SORL1: variants seen among roughly 807,000 people sequenced by gnomAD.
SORL1 encodes sortilin-related receptor.
A neutral mutation model predicts 273.7 loss-of-function variants in SORL1; 127 were observed. The observed-to-expected ratio is 0.46, with a 90% CI of 0.40 to 0.54. The LOEUF is 0.54. Among genes scored for constraint, SORL1 ranks in the 20% least tolerant of loss-of-function variants. The probability of loss-of-function intolerance (pLI) is 0.00; values close to 1 mark genes in which losing one functional copy is unlikely to be tolerated. For missense variants in SORL1, 2,494 were observed against 2,846.1 expected, an observed-to-expected ratio of 0.88 and a Z score of 2.81; for synonymous variants, 1,031 against 1,067.4, an observed-to-expected ratio of 0.97 and a Z score of 0.66.
At chr11:121,552,914 G>C (rs1371353572) in intron 16 of SORL1, among the ~76,000 whole-genome samples, 1 of 152,192 alleles carries the variant, frequency 6.6e-6, no homozygotes, top group East Asian at 1.9e-4. Context: ...CTGGTGTGCT[G>C]CTTGTGTCCA....
rs181731581 is a variant in SORL1, at chr11:121,570,306, T to C, written c.3337+36T>C. 9,747 of 1,516,322 alleles carry C rather than the reference T, an allele frequency of 6.4e-3. 44 individuals are homozygous for C. The highest frequency in any genetic ancestry group is 7.6e-3 in the Non-Finnish European group (8,248 of 1,092,098). 93.9% of individuals were successfully genotyped at this position (1,516,322 alleles called of 1,614,324 possible). On this transcript the variant is annotated intron_variant, in intron 23 of 47. Coordinates refer to ENST00000260197, the MANE Select transcript of SORL1 (RefSeq NM_003105.6). ...TGGATTGGACGTTAAGCACTTACCA[T>C]TACTCAGAAGCCTGGTTGGCTCTTC...
intron 26 of SORL1, 39 bp downstream of exon 26, chr11:121,583,622 C>T (rs778398774): frequency 1.3e-6 from 2 of 1,573,846 alleles, no homozygotes; most frequent in African/African-American, 1.4e-5. Flanking sequence ...TGAGCCTCCC[C>T]AGTGTCTGCT....
In SORL1 at chr11:121,550,212, A is replaced by C; in HGVS notation, c.2180+124A>C. 1.0e-6 allele frequency: 1 copy of C among 1,003,914 alleles called. No individual in the cohort carries two copies. The highest frequency in any genetic ancestry group is 3.1e-5 in the Admixed American group (1 of 32,524). The allele number at this position is 1,003,914 out of a possible 1,614,324, so 62.2% of individuals were successfully genotyped here. A position where few individuals can be genotyped will look rare whatever the true frequency, so the allele number is the denominator to read the frequency against. On this transcript the variant is annotated intron_variant, in intron 15 of 47. Coordinates refer to ENST00000260197, the MANE Select transcript of SORL1 (RefSeq NM_003105.6). The surrounding 1 kb of genome is among the most constrained non-coding windows in gnomAD (Gnocchi z 5.3). ...TAGAATTCCAAGTTAACAGCCTGCA[A>C]GTAGTTTGGGCAACATTATAAATTA...
intron 25 of SORL1, among the ~76,000 whole-genome samples, chr11:121,579,271 C>T (rs144567882): frequency 1.3e-5 from 2 of 152,316 alleles, no homozygotes; most frequent in East Asian, 3.9e-4. Context: ...GGATGATCCA[C>T]CTTCTCTGTC....
At chr11:121,545,569 T>C (rs1862413407) in intron 14 of SORL1, 140 bp downstream of exon 14, 1 of 782,696 alleles carries the variant, frequency 1.3e-6, no homozygotes, top group South Asian at 1.7e-5. Context: ...GCATCTTTTA[T>C]GTGCCAGGAA....
chr11:121,479,872 C>T (rs1861345292), intron 3 of SORL1, among the ~76,000 whole-genome samples: 2 of 152,100 alleles, frequency 1.3e-5, no homozygotes, highest in South Asian at 4.2e-4. Context: ...TCCAGGGTGA[C>T]AGAGTAATTT....
intron 12 of SORL1, among the ~76,000 whole-genome samples, chr11:121,539,810 A>G (rs916441246): frequency 6.6e-6 from 1 of 152,228 alleles, no homozygotes; most frequent in African/African-American, 2.4e-5. Context: ...GAATGAATGA[A>G]CGAATGGATG....
At chr11:121,476,398 G>T (rs1861267220) in intron 2 of SORL1, among the ~76,000 whole-genome samples, 1 of 152,152 alleles carries the variant, frequency 6.6e-6, no homozygotes, top group Non-Finnish European at 1.5e-5. Flanking sequence ...TCAGATAAAG[G>T]CAGAGGCTCT....
intron 24 of SORL1, chr11:121,576,653 C>A: frequency 1.1e-6 from 1 of 882,330 alleles, no homozygotes; most frequent in Non-Finnish European, 1.6e-6. Flanking sequence ...AGGCTATTGC[C>A]AGGGCAGCCT....
intron 12 of SORL1, among the ~76,000 whole-genome samples, chr11:121,536,751 A>G (rs1017966197): frequency 2.0e-5 from 3 of 152,024 alleles, no homozygotes; most frequent in African/African-American, 7.2e-5. Context: ...ACGGAGTTGC[A>G]GTGCAGTTTC....
intron 8 of SORL1, among the ~76,000 whole-genome samples, chr11:121,519,393 A>G (rs1616080): frequency 1.6e-4 from 24 of 150,874 alleles, no homozygotes; most frequent in African/African-American, 5.8e-4. Context: ...AAAGCCTGGG[A>G]AACCCATATT....
Position 121,607,192 on chromosome 11 carries a change from T to C in SORL1, c.5068T>C (p.Tyr1690His). The C allele has an allele frequency of 6.3e-7, 1 of 1,599,454 alleles. No homozygotes were observed. The highest frequency in any genetic ancestry group is 8.6e-7 in the Non-Finnish European group (1 of 1,166,616). The change falls in exon 37 of 48, where the codon TAC (tyrosine) becomes CAC (histidine). Residue 1690 changes from tyrosine (Y) to histidine (H), a missense_variant. Tyr to His is a moderately conservative substitution (Grantham distance 83). This residue lies in a region of SORL1 where 1,609 missense variants were observed against 1,816.4 expected (regional missense o/e 0.89). Transcript: ENST00000260197. ...HGLIREYIVE[Y>H]SRSGSKMWAS... ...TTTTTTCTTCTCCCTTTAGGTAGAA[T>C]ACAGCAGGAGTGGTTCCAAGATGTG...
intron 31 of SORL1, among the ~76,000 whole-genome samples, chr11:121,591,823 G>A (rs1381869365): frequency 6.6e-6 from 1 of 152,190 alleles, no homozygotes; most frequent in Non-Finnish European, 1.5e-5. Context: ...TCTTCTGTGA[G>A]CATGTTCTTT....
At chr11:121,480,916 T>C (rs74459018) in intron 3 of SORL1, among the ~76,000 whole-genome samples, 1,171 of 63,548 alleles carry the variant, frequency 0.018, no homozygotes, top group Middle Eastern at 0.11. Flanking sequence ...TAGGCAGGCT[T>C]CATCTCCTCC....
chr11:121,522,375 G>A (rs768361298), intron 9 of SORL1, among the ~76,000 whole-genome samples: 16 of 152,124 alleles, frequency 1.1e-4, no homozygotes, highest in Non-Finnish European at 2.4e-4. Context: ...AGTTGTAATT[G>A]TTCTCTTCTT....
In SORL1 at chr11:121,605,234, C is replaced by T. The variant is rs1370996794; in HGVS notation, c.4773C>T (p.Tyr1591=). ...CTGCTTCTTGTGTATATAATGTCTA[C>T]TACAGGTAGGTCCCATCTTTGTCAT... ...MPSASCVYNV[Y]YRVVGESIWK... The change falls in exon 34 of 48, where the codon TAC becomes TAT. Residue 1591 remains tyrosine (Y), a synonymous_variant. Coordinates refer to ENST00000260197, the MANE Select transcript of SORL1 (RefSeq NM_003105.6). 1 of 1,610,206 alleles carries T rather than the reference C, an allele frequency of 6.2e-7. No homozygotes were observed. The highest frequency in any genetic ancestry group is 8.5e-7 in the Non-Finnish European group (1 of 1,178,662).
chr11:121,535,407 A>T (rs1399075112), intron 12 of SORL1, among the ~76,000 whole-genome samples: 1 of 152,234 alleles, frequency 6.6e-6, no homozygotes, highest in Non-Finnish European at 1.5e-5. Flanking sequence ...AACATCTACA[A>T]TGAAGCGGAT....
In SORL1 at chr11:121,543,609, G is replaced by T. The variant is rs371142504; in HGVS notation, c.1747G>T (p.Val583Leu). The T allele has an allele frequency of 1.3e-5, 21 of 1,614,178 alleles. No individual in the cohort carries two copies. The highest frequency in any genetic ancestry group is 1.8e-5 in the Non-Finnish European group (21 of 1,179,960). Reference sequence around the variant, plus strand: ...CATCTTCTCTGAGAAGCCAGTGTTTGTGTATGGCCTCCTCACAGAACCTGG... The same window carrying T: ...CATCTTCTCTGAGAAGCCAGTGTTTTTGTATGGCCTCCTCACAGAACCTGG... ...TFIFSEKPVF[V>L]YGLLTEPGEK... The change falls in exon 13 of 48, where the codon GTG becomes TTG. Residue 583 changes from valine to leucine, a missense_variant. Val to Leu is a conservative substitution (Grantham distance 32). Transcript: ENST00000260197.
rs767254998 is a variant in SORL1 at position 121,622,180 on chromosome 11, A to T, written c.6083A>T (p.Asp2028Val). The change falls in exon 45 of 48, where the codon GAT becomes GTT. Residue 2028 changes from aspartate to valine, a missense_variant. Physicochemically the swap from Asp to Val is radical, Grantham distance 152 (BLOSUM62 -3). Transcript: ENST00000260197. ...KITTVSLSAP[D>V]ALKIITENDH... is the part of the protein sequence containing the mutation. ...TTTTCAGTTTCATTATCAGCACCTG[A>T]TGCCTTAAAAATCATAACAGAAAAT... 1 of 1,608,176 alleles carries T rather than the reference A, an allele frequency of 6.2e-7. No homozygotes were observed. The highest frequency in any genetic ancestry group is 1.1e-5 in the South Asian group (1 of 90,892).
Sources: allele counts gnomAD v4.1 joint callset (sites outside exome capture counted in the v4.1 genomes callset), GRCh38; gene constraint gnomAD v4.1.1; regional missense constraint gnomAD v4.1.1; non-coding constraint Gnocchi (gnomAD v3.1); transcripts MANE v1.5; gene names NCBI Gene and HGNC (gene_info 2026-07-23, HGNC 2026-07-21).